The following ALDH8A1 variants were observed in gnomAD, a reference collection of about 807,000 sequenced individuals.
The protein encoded by ALDH8A1 is aldehyde dehydrogenase 8 family member A1.
A neutral mutation model predicts 43.3 loss-of-function variants in ALDH8A1; 39 were observed. The observed-to-expected ratio is 0.90, with a 90% CI of 0.70 to 1.18. ALDH8A1 has a LOEUF of 1.18. ALDH8A1 is among the 50% of genes most tolerant of loss of function. ALDH8A1 has a pLI of 0.00. For synonymous variants in ALDH8A1, 233 were observed against 243.5 expected, an observed-to-expected ratio of 0.96 and a Z score of 0.40; for missense variants, 605 against 622.6, an observed-to-expected ratio of 0.97 and a Z score of 0.30.
intron 1 of ALDH8A1, among the ~76,000 whole-genome samples, chr6:134,944,917 C>CTATA (rs111982258): frequency 6.1e-5 from 9 of 146,422 alleles, no homozygotes; most frequent in South Asian, 2.1e-4. Context: ...TACATATATA[C>CTATA]TATATATATA....
chr6:134,936,437 A>G (rs1487720026), intron 4 of ALDH8A1, among the ~76,000 whole-genome samples: 1 of 152,192 alleles, frequency 6.6e-6, no homozygotes, highest in Non-Finnish European at 1.5e-5. Flanking sequence ...AGGTGATGCG[A>G]CGAAACAAGG....
chr6:134,939,894 A>G (rs992265341), intron 3 of ALDH8A1, among the ~76,000 whole-genome samples: 4 of 152,228 alleles, frequency 2.6e-5, no homozygotes, highest in African/African-American at 4.8e-5. Flanking sequence ...ATGCAGCCAT[A>G]AAAAGGAACG....
Position 134,939,402 on chromosome 6 carries a change from G to A in ALDH8A1, c.456C>T (p.Ser152=), listed in dbSNP as rs767804899. 6.2e-6 allele frequency: 10 copies of A among 1,614,002 alleles called. No homozygotes were observed. The highest frequency in any genetic ancestry group is 1.7e-5 in the Admixed American group (1 of 60,020). The change falls in exon 4 of 7, where the codon AGC becomes AGT. Residue 152 remains serine (S), a synonymous_variant. Transcript: ENST00000265605. ...GCAAGTAGAGTGGCAAATTCCAGGG[G>A]CTGATCAGACCAGCTAAGGGATGAG... The part of the protein sequence containing the change: ...RAPVGVAGLI[S]PWNLPLYLLT...
At chr6:134,926,016 T>C (rs190696431) in intron 6 of ALDH8A1, among the ~76,000 whole-genome samples, 2 of 152,120 alleles carry the variant, frequency 1.3e-5, no homozygotes, top group African/African-American at 4.8e-5. Flanking sequence ...AAAGAGGTAA[T>C]GGAACAGATC....
chr6:134,921,636 C>A (rs544257103), intron 6 of ALDH8A1, among the ~76,000 whole-genome samples: 1 of 152,216 alleles, frequency 6.6e-6, no homozygotes, highest in Non-Finnish European at 1.5e-5. Context: ...CCAAAGGCAT[C>A]GCCACCTATT....
At position 134,918,494 on chromosome 6, in the gene ALDH8A1, C is replaced by T. The variant is rs771340940; in HGVS notation, c.1385G>A (p.Ser462Asn). The change falls in exon 7 of 7, where the codon AGT becomes AAT. Residue 462 changes from serine to asparagine, a missense_variant. By Grantham distance (46) the Ser-to-Asn change is conservative. Transcript: ENST00000265605. ...ELNLPFGGMK[S>N]SGIGREGAKD... ...GGCTCCCTCTCTACCTATTCCAGAA[C>T]TCTTCATCCCCCCGAAAGGAAGGTT... The T allele has an allele frequency of 1.3e-5, 21 of 1,614,198 alleles. No individual in the cohort carries two copies. The South Asian group carries it at 1.6e-4, about 13-fold the overall frequency.
rs1158492827 is a variant in ALDH8A1, at chr6:134,939,195, G to A, written c.592+71C>T. 9 of 1,577,214 alleles carry A rather than the reference G, an allele frequency of 5.7e-6. No individual in the cohort carries two copies. In the Admixed American group the frequency reaches 1.4e-4, roughly 24 times the overall value. On this transcript the variant is annotated intron_variant, in intron 4 of 6. Transcript: ENST00000265605. ...TCACTGGAATCGATTGTGCTGCTGAGTGGAAGATTTCTATAAACTATAGGT... is the reference window on the plus strand; with the variant it reads ...TCACTGGAATCGATTGTGCTGCTGAATGGAAGATTTCTATAAACTATAGGT...
chr6:134,920,834 C>T (rs1776787170), intron 6 of ALDH8A1, among the ~76,000 whole-genome samples: 1 of 152,092 alleles, frequency 6.6e-6, no homozygotes, highest in South Asian at 2.1e-4. Flanking sequence ...ATAGTTAGTA[C>T]TCAGCAGCTT....
At position 134,917,416 on chromosome 6, in the gene ALDH8A1, T is replaced by G. The variant is rs1336262022; in HGVS notation, c.*999A>C. 2 of 152,204 alleles carry G rather than the reference T, an allele frequency of 1.3e-5. No homozygotes were observed. Among genetic ancestry groups the G allele is most frequent in the African/African-American group, 4.8e-5 (2 of 41,442 alleles). The allele number at this position is 152,204 out of a possible 1,614,324, so 9.4% of individuals were successfully genotyped here. A position where few individuals can be genotyped will look rare whatever the true frequency, so the allele number is the denominator to read the frequency against. On this transcript the variant is annotated 3_prime_UTR_variant, in exon 7 of 7. Coordinates refer to ENST00000265605, the MANE Select transcript of ALDH8A1 (RefSeq NM_022568.4). ...ACTGGTTACTAAAATTGCTTAACAT[T>G]TATTGCTTCTTTTGGGGTTAGCAAG...
At chr6:134,933,184 G>A (rs1773654729) in intron 4 of ALDH8A1, 152 bp from the exon 5 acceptor site, 3 of 884,130 alleles carry the variant, frequency 3.4e-6, no homozygotes, top group Non-Finnish European at 4.9e-6. Context: ...AACTTCTATG[G>A]CTGCCTCTGG....
At chr6:134,936,094 G>A (rs1341210376) in intron 4 of ALDH8A1, among the ~76,000 whole-genome samples, 6 of 152,108 alleles carry the variant, frequency 3.9e-5, no homozygotes, top group South Asian at 2.1e-4. Flanking sequence ...TGGGATTACC[G>A]GCACTTGCCA....
chr6:134,940,456 G>A (rs895132779), intron 3 of ALDH8A1, among the ~76,000 whole-genome samples: 2 of 152,142 alleles, frequency 1.3e-5, no homozygotes, highest in Non-Finnish European at 2.9e-5. Context: ...TCATAAAATA[G>A]GGGCCAATGA....
intron 2 of ALDH8A1, among the ~76,000 whole-genome samples, chr6:134,942,974 T>C (rs1050425242): frequency 1.3e-5 from 2 of 152,210 alleles, no homozygotes; most frequent in African/African-American, 4.8e-5. Flanking sequence ...TATACACATG[T>C]AATGTGTATT....
At position 134,918,758 on chromosome 6, in the gene ALDH8A1, A is replaced by G; in HGVS notation, c.1121T>C (p.Leu374Pro). Reference protein sequence around the residue: ...PARNQAGYFMLPTVITDIKDE... With the variant: ...PARNQAGYFMPPTVITDIKDE... ...CTTAATGTCTGTTATCACCGTGGGA[A>G]GCATAAAGTAGCCTGCCTGGTTCCT... Residue 374 changes from leucine (L) to proline (P), a missense_variant, in exon 7 of 7, where the codon CTT (leucine) becomes CCT (proline). Leu to Pro is a moderately conservative substitution (Grantham distance 98). Coordinates refer to ENST00000265605, the MANE Select transcript of ALDH8A1 (RefSeq NM_022568.4). 1.2e-6 allele frequency: 2 copies of G among 1,614,218 alleles called. No homozygotes were observed. Among genetic ancestry groups the G allele is most frequent in the Non-Finnish European group, 1.7e-6 (2 of 1,180,034 alleles).
intron 6 of ALDH8A1, among the ~76,000 whole-genome samples, chr6:134,925,827 A>G (rs1040112592): frequency 2.6e-5 from 4 of 152,226 alleles, no homozygotes; most frequent in African/African-American, 9.6e-5. Flanking sequence ...GAAAGCCCTC[A>G]TTCAGGTGAC....
intron 1 of ALDH8A1, among the ~76,000 whole-genome samples, chr6:134,946,786 G>A (rs13211461): frequency 5.6e-4 from 84 of 150,138 alleles, no homozygotes; most frequent in East Asian, 2.5e-3. Context: ...GTGTGCGCGC[G>A]CGCACAGGTG....
intron 5 of ALDH8A1, among the ~76,000 whole-genome samples, chr6:134,932,178 G>A (rs1314979815): frequency 6.6e-6 from 1 of 152,140 alleles, no homozygotes; most frequent in Non-Finnish European, 1.5e-5. Flanking sequence ...TAGTTGATCT[G>A]GTGTAGTGTT....
At chr6:134,936,362 T>C (rs569917502) in intron 4 of ALDH8A1, among the ~76,000 whole-genome samples, 163 of 152,288 alleles carry the variant, frequency 1.1e-3, no homozygotes, top group African/African-American at 2.5e-3. Flanking sequence ...GCTGGCACCA[T>C]GTGAGAGCAC....
rs1334543432 is a variant in ALDH8A1, at chr6:134,921,642, C to T, written c.1012-2775G>A. On this transcript the variant is annotated intron_variant, in intron 6 of 6. Coordinates refer to ENST00000265605, the MANE Select transcript of ALDH8A1 (RefSeq NM_022568.4). ...ATTATTTCACCAAAGGCATCGCCACCTATTGTGGCAATCATGCAGAGGTAG... is the reference window on the plus strand; with the variant it reads ...ATTATTTCACCAAAGGCATCGCCACTTATTGTGGCAATCATGCAGAGGTAG... 3.9e-5 allele frequency among the ~76,000 whole-genome samples: 6 copies of T among 152,336 alleles called. No homozygotes were observed. In the East Asian group the frequency reaches 5.8e-4, roughly 15 times the overall value.
Sources: allele counts gnomAD v4.1 joint callset (sites outside exome capture counted in the v4.1 genomes callset), GRCh38; gene constraint gnomAD v4.1.1; transcripts MANE v1.5; gene names NCBI Gene and HGNC (gene_info 2026-07-23, HGNC 2026-07-21).